The following GRIK2 variants were observed in gnomAD, a reference collection of about 807,000 sequenced individuals.
GRIK2 encodes the protein glutamate receptor ionotropic, kainate 2.
GRIK2 carries 32 observed loss-of-function variants against 100.3 expected under a neutral mutation model. The ratio of observed to expected loss-of-function variants is 0.32; its 90% CI spans 0.24 to 0.43. The LOEUF (loss-of-function observed/expected upper bound fraction) is 0.43. Among genes scored for constraint, GRIK2 ranks in the 20% least tolerant of loss-of-function variants. The pLI, the probability that GRIK2 is intolerant of heterozygous loss-of-function variation, is 1.00. For missense variants in GRIK2, 843 were observed against 1,114.9 expected (o/e 0.76, Z 3.47); for synonymous variants, 417 against 389.4 (o/e 1.07, Z -0.83).
chr6:101,584,555 A>G (rs919123863), intron 2 of GRIK2, among the ~76,000 whole-genome samples: 9 of 152,054 alleles, frequency 5.9e-5, no homozygotes, highest in Non-Finnish European at 1.0e-4. Context: ...CTATTTGAGG[A>G]ACAAAATCTA....
At chr6:101,542,937 C>T (rs1303770181) in intron 2 of GRIK2, among the ~76,000 whole-genome samples, 1 of 151,796 alleles carries the variant, frequency 6.6e-6, no homozygotes, top group East Asian at 1.9e-4. Context: ...AAGAAAGTAC[C>T]CTAGATGTAC....
chr6:101,405,820 C>T (rs1002540343), intron 2 of GRIK2, among the ~76,000 whole-genome samples: 5 of 152,188 alleles, frequency 3.3e-5, no homozygotes, highest in Admixed American at 6.5e-5. Context: ...GTGGCATTGC[C>T]GACTCAGAGT....
chr6:101,872,234 T>C (rs1407394051), intron 11 of GRIK2, among the ~76,000 whole-genome samples: 2 of 151,928 alleles, frequency 1.3e-5, no homozygotes, highest in East Asian at 1.9e-4. Context: ...ATTTACTGTA[T>C]TAGTCCATTC....
chr6:101,697,340 C>CGT (rs63654860), intron 7 of GRIK2, among the ~76,000 whole-genome samples: 541 of 146,802 alleles, frequency 3.7e-3, no homozygotes, highest in Middle Eastern at 0.01. Context: ...TTAGGGTGTA[C>CGT]GTGTGTGTGT....
rs147422664 is a variant in GRIK2 at position 101,491,228 on chromosome 6, G to A, written c.115+91836G>A. Among the ~76,000 whole-genome samples the A allele has an allele frequency of 9.6e-4, 141 of 146,376 alleles. 2 individuals are homozygous for A. Among genetic ancestry groups the A allele is most frequent in the African/African-American group, 3.4e-3 (137 of 39,724 alleles). On this transcript the variant is annotated intron_variant, in intron 2 of 16. Coordinates refer to ENST00000369134, the MANE Select transcript of GRIK2 (RefSeq NM_021956.5). ...GCCTGTCTGTACAAACAAGAAATCA[G>A]TTTGTTTGTCATTCTAGACCTTGTT...
At chr6:101,782,571 G>T (rs1212700384) in intron 7 of GRIK2, among the ~76,000 whole-genome samples, 2 of 152,106 alleles carry the variant, frequency 1.3e-5, no homozygotes, top group Non-Finnish European at 2.9e-5. Context: ...ATGTTCTATT[G>T]TGTATATATC....
intron 2 of GRIK2, among the ~76,000 whole-genome samples, chr6:101,543,859 A>G (rs1000726499): frequency 1.3e-5 from 2 of 152,232 alleles, no homozygotes; most frequent in African/African-American, 2.4e-5. Context: ...TAAATTGTCA[A>G]TTACAGAGAA....
rs548616458 is a variant in GRIK2, at chr6:101,440,896, T to G, written c.115+41504T>G. Among the ~76,000 whole-genome samples the G allele has an allele frequency of 1.8e-4, 28 of 152,126 alleles. 1 individual carries two copies. The highest frequency in any genetic ancestry group is 1.1e-3 in the Admixed American group (17 of 15,268). On this transcript the variant is annotated intron_variant, in intron 2 of 16. Transcript: ENST00000369134. ...GAGAAAGAAATGCTTTTTTGTTTTTTTTTTTTGTTTTTTGTTTACTGAAGA... is the reference window on the plus strand; with the variant it reads ...GAGAAAGAAATGCTTTTTTGTTTTTGTTTTTTGTTTTTTGTTTACTGAAGA...
At chr6:101,817,776 G>T (rs1231257087) in intron 9 of GRIK2, among the ~76,000 whole-genome samples, 1 of 152,324 alleles carries the variant, frequency 6.6e-6, no homozygotes, top group South Asian at 2.1e-4. Context: ...ATTGGAATGT[G>T]TTATTCAGAT....
chr6:101,816,135 T>G (rs1381005951), intron 9 of GRIK2, among the ~76,000 whole-genome samples: 1 of 152,156 alleles, frequency 6.6e-6, no homozygotes, highest in African/African-American at 2.4e-5. Flanking sequence ...AGTTGAAAAC[T>G]TTCTAAGGTT....
rs565844108 is a variant in GRIK2 at position 101,810,238 on chromosome 6, TA to T, written c.1203+7802del. 1.7e-3 allele frequency among the ~76,000 whole-genome samples: 252 copies of T among 152,138 alleles called. 2 individuals are homozygous for T. Among genetic ancestry groups the T allele is most frequent in the African/African-American group, 6.0e-3 (248 of 41,552 alleles). ...TCATATTTGGGAACATGTAATTCATTAATTCAAACATTATTTAAAAAATCAA... is the reference window on the plus strand; with the variant it reads ...TCATATTTGGGAACATGTAATTCATTATTCAAACATTATTTAAAAAATCAA... On this transcript the variant is annotated intron_variant, in intron 9 of 16. Coordinates refer to ENST00000369134, the MANE Select transcript of GRIK2 (RefSeq NM_021956.5).
At chr6:101,778,517 C>T (rs911875096) in intron 7 of GRIK2, among the ~76,000 whole-genome samples, 23 of 152,050 alleles carry the variant, frequency 1.5e-4, no homozygotes, top group Admixed American at 9.2e-4. Context: ...ACAAATATAA[C>T]CGTGCTTGGT....
chr6:101,436,457 T>C (rs1368370088), intron 2 of GRIK2, among the ~76,000 whole-genome samples: 4 of 152,034 alleles, frequency 2.6e-5, no homozygotes, highest in Non-Finnish European at 5.9e-5. Context: ...GCATTTGCCT[T>C]GTAAGAAAAA....
intron 2 of GRIK2, among the ~76,000 whole-genome samples, chr6:101,592,694 G>T (rs1778730739): frequency 1.4e-5 from 2 of 146,582 alleles, no homozygotes; most frequent in African/African-American, 2.5e-5. Context: ...TTGCAGAATT[G>T]TTCAGCAATA....
At chr6:101,689,985 C>T (rs1302611739) in intron 7 of GRIK2, among the ~76,000 whole-genome samples, 1 of 152,098 alleles carries the variant, frequency 6.6e-6, no homozygotes, top group Non-Finnish European at 1.5e-5. Flanking sequence ...TTATGTAGCA[C>T]ATTTACTATA....
intron 2 of GRIK2, among the ~76,000 whole-genome samples, chr6:101,548,723 T>G (rs1280584400): frequency 6.6e-6 from 1 of 152,194 alleles, no homozygotes; most frequent in Non-Finnish European, 1.5e-5. Flanking sequence ...CCTCTCATCA[T>G]GTATAGCATT....
In GRIK2 at chr6:101,614,234, T is replaced by C. The variant is rs957350634; in HGVS notation, c.116-7715T>C. Among the ~76,000 whole-genome samples, 3 of 151,898 alleles carry C rather than the reference T, an allele frequency of 2.0e-5. No homozygotes were observed. In the East Asian group the frequency reaches 5.8e-4, roughly 29 times the overall value. On this transcript the variant is annotated intron_variant, in intron 2 of 16. Coordinates refer to ENST00000369134, the MANE Select transcript of GRIK2 (RefSeq NM_021956.5). Reference sequence around the variant, plus strand: ...GTCATTTTGAGAAGTCTGTTAAAAATATGCATTAAGAACAAAATGAGTATT... The same window carrying C: ...GTCATTTTGAGAAGTCTGTTAAAAACATGCATTAAGAACAAAATGAGTATT...
chr6:101,483,158 A>G (rs915913217), intron 2 of GRIK2, among the ~76,000 whole-genome samples: 10 of 152,120 alleles, frequency 6.6e-5, no homozygotes, highest in African/African-American at 2.4e-4. Flanking sequence ...CGCAATTTCT[A>G]AATTTTATTT....
chr6:101,447,377 G>T (rs1770437466), intron 2 of GRIK2, among the ~76,000 whole-genome samples: 1 of 151,560 alleles, frequency 6.6e-6, no homozygotes, highest in Non-Finnish European at 1.5e-5. Context: ...CTACATATTT[G>T]CCCTTTGGAT....
Sources: gnomAD v4.1 joint callset for allele counts (sites outside exome capture counted in the v4.1 genomes callset) on GRCh38, gnomAD v4.1.1 for gene constraint, MANE v1.5 for transcripts, NCBI Gene and HGNC (gene_info 2026-07-23, HGNC 2026-07-21) for gene names.